The following RNF168 variants were observed in gnomAD, a reference collection of about 807,000 sequenced individuals.
The protein encoded by RNF168 is E3 ubiquitin-protein ligase RNF168.
In RNF168, 34 loss-of-function variants were observed where a neutral mutation model predicts 34.9. The observed-to-expected ratio is 0.97, with a 90% CI of 0.74 to 1.30. The LOEUF (loss-of-function observed/expected upper bound fraction) is 1.30, where lower values mean the gene tolerates loss of function less well. RNF168 is among the 50% of genes most tolerant of loss of function. The probability of loss-of-function intolerance (pLI) is 0.00; values close to 1 mark genes in which losing one functional copy is unlikely to be tolerated. For missense variants in RNF168, 725 were observed against 682.5 expected (o/e 1.06, Z -0.69); for synonymous variants, 264 against 254.7 (o/e 1.04, Z -0.35).
At chr3:196,499,166 C>T (rs997099535) in intron 1 of RNF168, among the ~76,000 whole-genome samples, 3 of 151,550 alleles carry the variant, frequency 2.0e-5, no homozygotes, top group Non-Finnish European at 4.4e-5. Context: ...TAACTAGTGT[C>T]CTGGTAAAAA....
chr3:196,488,581 A>C (rs781135811), intron 2 of RNF168, 26 bp downstream of exon 2: 4 of 149,222 alleles, frequency 2.7e-5, no homozygotes, highest in South Asian at 1.1e-4. Flanking sequence ...GAAATATTCC[A>C]AAAAAAAAAA....
chr3:196,501,984 A>T (rs75483890), intron 1 of RNF168, among the ~76,000 whole-genome samples: 9,594 of 145,994 alleles, frequency 0.066, 364 homozygotes, highest in Middle Eastern at 0.19. Context: ...TTAAAATGGC[A>T]TTTTTTTACA....
intron 4 of RNF168, among the ~76,000 whole-genome samples, chr3:196,476,894 C>G (rs1418711440): frequency 6.6e-6 from 1 of 151,598 alleles, no homozygotes; most frequent in African/African-American, 2.4e-5. Context: ...ACTACAGGCA[C>G]ACGCCACCAT....
At chr3:196,496,355 C>A (rs757116700) in intron 1 of RNF168, among the ~76,000 whole-genome samples, 10 of 152,112 alleles carry the variant, frequency 6.6e-5, no homozygotes, top group Non-Finnish European at 8.8e-5. Flanking sequence ...ATGCTGATAA[C>A]CTTAGACGTT....
At position 196,472,657 on chromosome 3, in the gene RNF168, G is replaced by A; in HGVS notation, c.878C>T (p.Ser293Leu). 6.2e-7 allele frequency: 1 copy of A among 1,608,550 alleles called. No individual in the cohort carries two copies. The highest frequency in any genetic ancestry group is 8.5e-7 in the Non-Finnish European group (1 of 1,175,420). The stretch of plus-strand genomic sequence containing the variant: ...TAACCATGGCATAGGGGACTCTATT[G>A]AAGAATCTGCACCTTGTTCTCCAAC... ...LGVGEQGADS[S>L]IESPMPWLCA... Residue 293 changes from serine to leucine, a missense_variant, in exon 6 of 6, where the codon TCA becomes TTA. Coordinates refer to ENST00000318037, the MANE Select transcript of RNF168 (RefSeq NM_152617.4).
intron 4 of RNF168, among the ~76,000 whole-genome samples, chr3:196,477,081 C>T (rs1351139316): frequency 3.9e-5 from 6 of 152,174 alleles, no homozygotes; most frequent in African/African-American, 1.2e-4. Context: ...TTCAATATAA[C>T]AGGCTGTTTG....
intron 2 of RNF168, 38 bp downstream of exon 2, chr3:196,488,569 G>T: frequency 8.9e-7 from 1 of 1,121,042 alleles, no homozygotes; most frequent in Non-Finnish European, 1.3e-6. Flanking sequence ...AAACACAGCA[G>T]AGAAATATTC....
chr3:196,489,870 C>T (rs549122165), intron 1 of RNF168, among the ~76,000 whole-genome samples: 1 of 152,262 alleles, frequency 6.6e-6, no homozygotes, highest in East Asian at 1.9e-4. Flanking sequence ...CTCGACTTAC[C>T]GGCATTTCTC....
At chr3:196,485,303 T>C (rs937493120) in intron 3 of RNF168, among the ~76,000 whole-genome samples, 18 of 151,332 alleles carry the variant, frequency 1.2e-4, no homozygotes, top group Non-Finnish European at 2.2e-4. Flanking sequence ...AGGCCAGGAG[T>C]TCAAGACCAG....
intron 4 of RNF168, among the ~76,000 whole-genome samples, chr3:196,481,248 T>C (rs75159574): frequency 0.045 from 6,783 of 152,040 alleles, 468 homozygotes; most frequent in African/African-American, 0.15. Context: ...AGGTGGAGAG[T>C]AGCAGGCCAC....
At chr3:196,501,719 G>T (rs534268296) in intron 1 of RNF168, among the ~76,000 whole-genome samples, 1 of 152,136 alleles carries the variant, frequency 6.6e-6, no homozygotes, top group Admixed American at 6.5e-5. Flanking sequence ...ATACATTTTG[G>T]ACAATATTTT....
chr3:196,481,682 GTTTTTTTTTT>G (rs34739638), intron 4 of RNF168, among the ~76,000 whole-genome samples: 6 of 62,362 alleles, frequency 9.6e-5, no homozygotes, highest in Admixed American at 2.6e-4. Flanking sequence ...TTTCAGCTGC[GTTTTTTTTTT>G]TTTTTTTTTT....
rs1276128999 is a variant in RNF168, at chr3:196,483,029, T to C, written c.680+741A>G. Among the ~76,000 whole-genome samples the C allele has an allele frequency of 2.6e-5, 4 of 152,186 alleles. No individual in the cohort carries two copies. The East Asian group carries it at 5.8e-4, about 22-fold the overall frequency. On this transcript the variant is annotated intron_variant, in intron 4 of 5. Transcript: ENST00000318037. ...ATATTGTATCAATATGAAATACTTCTGCATTTTAGCGGTTTTCTCATTTTT... is the reference window on the plus strand; with the variant it reads ...ATATTGTATCAATATGAAATACTTCCGCATTTTAGCGGTTTTCTCATTTTT...
Position 196,469,921 on chromosome 3 carries a change from T to G in RNF168, c.*1898A>C, listed in dbSNP as rs1443732918. ...AAAATTCACCCAATTTAGTAACTAA[T>G]TTTGATTCTGATGCCTGATAGTAGG... On this transcript the variant is annotated 3_prime_UTR_variant, in exon 6 of 6. Transcript: ENST00000318037. 1 of 151,082 alleles carries G rather than the reference T, an allele frequency of 6.6e-6. No individual in the cohort carries two copies. 9.4% of individuals were successfully genotyped at this position (151,082 alleles called of 1,614,324 possible).
intron 1 of RNF168, among the ~76,000 whole-genome samples, chr3:196,493,860 T>TTA (rs1560274853): frequency 3.0e-4 from 46 of 151,282 alleles, no homozygotes; most frequent in African/African-American, 7.5e-4. Flanking sequence ...AATTTATTTT[T>TTA]TTTTTTTTTT....
chr3:196,483,886 A>G lies in RNF168; in HGVS notation c.564T>C (p.Asn188=). The G allele has an allele frequency of 1.2e-6, 2 of 1,607,614 alleles. No homozygotes were observed. Among genetic ancestry groups the G allele is most frequent in the South Asian group, 1.1e-5 (1 of 90,906 alleles). Residue 188 remains asparagine, a synonymous_variant, in exon 4 of 6, where the codon AAT becomes AAC. Coordinates refer to ENST00000318037, the MANE Select transcript of RNF168 (RefSeq NM_152617.4). ...LARKLSIDIN[N]FCEGSISASP... ...AAGCCGAGATACTTCCCTCACAGAA[A>G]TTGTTCTTCAACAATAGAAAAAGCA...
chr3:196,502,054 GAAAAAAAAAAA>G (rs554041803), intron 1 of RNF168, among the ~76,000 whole-genome samples: 533 of 50,070 alleles, frequency 0.011, 6 homozygotes, highest in African/African-American at 0.033. Context: ...AAAAAAATTA[GAAAAAAAAAAA>G]AAAAAAAAAA....
chr3:196,490,521 C>T (rs1035529832), intron 1 of RNF168, among the ~76,000 whole-genome samples: 1 of 151,920 alleles, frequency 6.6e-6, no homozygotes, highest in African/African-American at 2.4e-5. Context: ...GTAGCAGATA[C>T]CCTAAAGAGC....
chr3:196,480,991 A>T (rs1732271836), intron 4 of RNF168, among the ~76,000 whole-genome samples: 1 of 152,088 alleles, frequency 6.6e-6, no homozygotes, highest in African/African-American at 2.4e-5. Context: ...TTCTGATACT[A>T]CTATCGACAG....
Sources: gnomAD v4.1 joint callset for allele counts (sites outside exome capture counted in the v4.1 genomes callset) on GRCh38, gnomAD v4.1.1 for gene constraint, MANE v1.5 for transcripts, NCBI Gene and HGNC (gene_info 2026-07-23, HGNC 2026-07-21) for gene names.